The following JARID2 variants were observed in gnomAD, a reference collection of about 807,000 sequenced individuals.
JARID2 encodes the protein jumonji and AT-rich interaction domain containing 2.
Under a neutral mutation model 125.6 loss-of-function variants are expected in JARID2, and 21 were observed. That is an observed-to-expected ratio of 0.17 (90% CI 0.12 to 0.24). JARID2 has a LOEUF of 0.24. JARID2 is among the 10% of genes least tolerant of loss of function. The probability of loss-of-function intolerance (pLI) is 1.00; values close to 1 mark genes in which losing one functional copy is unlikely to be tolerated. For missense variants in JARID2, 1,303 were observed against 1,639.6 expected (o/e 0.79, Z 3.55); for synonymous variants, 736 against 661.6 (o/e 1.11, Z -1.73).
chr6:15,508,316 C>G (rs1020900080), intron 11 of JARID2, 24 bp from the exon 12 acceptor site: 1 of 1,174,156 alleles, frequency 8.5e-7, no homozygotes, highest in African/African-American at 1.5e-5. Context: ...TTTAAAAATG[C>G]CCTTTTCACT....
Position 15,410,374 on chromosome 6 carries a change from C to T in JARID2, c.323+9C>T, listed in dbSNP as rs753029848. On this transcript the variant is annotated intron_variant, in intron 3 of 17. Transcript: ENST00000341776. ...GGGCCGTCGAGGAAAAGGTTAGTACCCAAGGCTGAAAATATTGGTACCTTC... is the reference window on the plus strand; with the variant it reads ...GGGCCGTCGAGGAAAAGGTTAGTACTCAAGGCTGAAAATATTGGTACCTTC... The T allele has an allele frequency of 5.6e-6, 9 of 1,612,742 alleles. No individual in the cohort carries two copies. Among genetic ancestry groups the T allele is most frequent in the Admixed American group, 1.7e-5 (1 of 59,972 alleles).
intron 5 of JARID2, among the ~76,000 whole-genome samples, chr6:15,478,144 G>A (rs1281865867): frequency 6.6e-6 from 1 of 152,160 alleles, no homozygotes; most frequent in Non-Finnish European, 1.5e-5. Context: ...CCATGAGTTT[G>A]GTGTTGTTAC....
intron 4 of JARID2, among the ~76,000 whole-genome samples, chr6:15,466,094 A>C (rs1446202202): frequency 6.6e-6 from 1 of 152,098 alleles, no homozygotes. Flanking sequence ...GTGAGCCACC[A>C]CGCCCAGCCT....
intron 1 of JARID2, among the ~76,000 whole-genome samples, chr6:15,332,712 A>G (rs1221256774): frequency 1.3e-5 from 2 of 152,140 alleles, no homozygotes; most frequent in African/African-American, 4.8e-5. Flanking sequence ...TGAACAGTTC[A>G]CTTGTCTAGA....
Position 15,270,268 on chromosome 6 carries a change from G to A in JARID2, c.45+23684G>A, listed in dbSNP as rs187710885. Among the ~76,000 whole-genome samples the A allele has an allele frequency of 8.3e-3, 1,268 of 152,308 alleles. 20 individuals carry two copies. The highest frequency in any genetic ancestry group is 0.029 in the African/African-American group (1,203 of 41,562). The stretch of plus-strand genomic sequence containing the variant: ...CTGCCTCAGCCTCCGGAGTAGCTGG[G>A]ATTACAGGCATTTGCCACCACACCT... On this transcript the variant is annotated intron_variant, in intron 1 of 17. Coordinates refer to ENST00000341776, the MANE Select transcript of JARID2 (RefSeq NM_004973.4).
intron 1 of JARID2, chr6:15,247,709 A>G (rs780205400): frequency 1.0e-6 from 1 of 985,246 alleles, no homozygotes; most frequent in Non-Finnish European, 1.2e-6. Context: ...AAATATATTT[A>G]ATGGAAAAGC....
intron 1 of JARID2, among the ~76,000 whole-genome samples, chr6:15,285,326 T>C (rs1760955135): frequency 6.6e-6 from 1 of 152,036 alleles, no homozygotes; most frequent in Non-Finnish European, 1.5e-5. Context: ...GGTTTTACCA[T>C]GTTGGCCAGG....
intron 1 of JARID2, among the ~76,000 whole-genome samples, chr6:15,329,176 A>T (rs1252000866): frequency 1.6e-5 from 1 of 61,944 alleles, no homozygotes; most frequent in Non-Finnish European, 2.8e-5. Flanking sequence ...TCTCTTTAAT[A>T]TGGTTTTTTT....
At chr6:15,476,218 C>G (rs536205589) in intron 5 of JARID2, among the ~76,000 whole-genome samples, 1 of 152,188 alleles carries the variant, frequency 6.6e-6, no homozygotes, top group African/African-American at 2.4e-5. Flanking sequence ...TTAATTAGGC[C>G]ACATTTCAAG....
chr6:15,260,269 G>A (rs1437687338), intron 1 of JARID2, among the ~76,000 whole-genome samples: 1 of 152,148 alleles, frequency 6.6e-6, no homozygotes, highest in Non-Finnish European at 1.5e-5. Flanking sequence ...CTTACTTTGA[G>A]GGGAGCGATT....
chr6:15,261,185 G>T (rs1237857233), intron 1 of JARID2, among the ~76,000 whole-genome samples: 2 of 152,006 alleles, frequency 1.3e-5, no homozygotes, highest in East Asian at 3.8e-4. Context: ...TACTCCCTTT[G>T]TACATGGAGG....
At chr6:15,380,790 T>C (rs368412707) in intron 2 of JARID2, among the ~76,000 whole-genome samples, 15 of 152,310 alleles carry the variant, frequency 9.8e-5, no homozygotes, top group East Asian at 7.7e-4. Context: ...GTGAATTCAT[T>C]GTTAACAAAA....
At chr6:15,264,776 T>C (rs1760020956) in intron 1 of JARID2, among the ~76,000 whole-genome samples, 1 of 152,214 alleles carries the variant, frequency 6.6e-6, no homozygotes, top group South Asian at 2.1e-4. Flanking sequence ...TACACATACT[T>C]GTGCCTTTCA....
chr6:15,247,107 A>G (rs776206749), intron 1 of JARID2, among the ~76,000 whole-genome samples: 1 of 152,194 alleles, frequency 6.6e-6, no homozygotes, highest in Non-Finnish European at 1.5e-5. Flanking sequence ...TCTGGTTTGC[A>G]ACATAAACCA....
intron 1 of JARID2, among the ~76,000 whole-genome samples, chr6:15,249,236 T>C (rs757184356): frequency 2.6e-5 from 4 of 152,128 alleles, no homozygotes; most frequent in Non-Finnish European, 5.9e-5. Context: ...CTTGAAGTCG[T>C]GTTAGGGGTG....
intron 4 of JARID2, among the ~76,000 whole-genome samples, chr6:15,465,090 C>T (rs1199947678): frequency 5.3e-5 from 8 of 152,158 alleles, no homozygotes; most frequent in Admixed American, 2.0e-4. Flanking sequence ...ATCACATATT[C>T]GTATTTGCCG....
intron 12 of JARID2, among the ~76,000 whole-genome samples, chr6:15,510,017 C>T (rs1224070544): frequency 4.6e-5 from 7 of 152,158 alleles, no homozygotes; most frequent in Non-Finnish European, 7.4e-5. Context: ...AAAATACTTC[C>T]TTCACTGAGC....
chr6:15,418,997 G>A (rs942155450), intron 3 of JARID2, among the ~76,000 whole-genome samples: 3 of 152,170 alleles, frequency 2.0e-5, no homozygotes, highest in Non-Finnish European at 2.9e-5. Context: ...TTGATAGCAT[G>A]CATGAATTGG....
chr6:15,463,482 G>A (rs1236514225), intron 4 of JARID2, among the ~76,000 whole-genome samples: 4 of 148,224 alleles, frequency 2.7e-5, no homozygotes, highest in Non-Finnish European at 5.9e-5. Flanking sequence ...CCAAGCTGGA[G>A]GGCAATGGCA....
Sources: allele counts gnomAD v4.1 joint callset (sites outside exome capture counted in the v4.1 genomes callset), GRCh38; gene constraint gnomAD v4.1.1; transcripts MANE v1.5; gene names NCBI Gene and HGNC (gene_info 2026-07-23, HGNC 2026-07-21).